The following GDAP1 variants were observed in gnomAD, a reference collection of about 807,000 sequenced individuals.
The protein encoded by GDAP1 is ganglioside induced differentiation associated protein 1.
GDAP1 carries 34 observed loss-of-function variants against 40.1 expected under a neutral mutation model. That is an observed-to-expected ratio of 0.85 (90% CI 0.64 to 1.13). GDAP1 has a LOEUF of 1.13. Ranked by LOEUF, GDAP1 falls within the 50% of genes most tolerant of loss-of-function variation. The pLI is 0.00. For missense variants in GDAP1, 374 were observed against 433.7 expected, an observed-to-expected ratio of 0.86 and a Z score of 1.22; for synonymous variants, 170 against 157.4, an observed-to-expected ratio of 1.08 and a Z score of -0.60.
rs1483139737 is a variant in GDAP1 at position 74,365,764 on chromosome 8, T to C, written c.*1397T>C. The C allele has an allele frequency of 2.2e-6, 1 of 454,372 alleles. No homozygotes were observed. The highest frequency in any genetic ancestry group is 6.9e-5 in the East Asian group (1 of 14,404). 28.1% of individuals were successfully genotyped at this position (454,372 alleles called of 1,614,324 possible). A position where few individuals can be genotyped will look rare whatever the true frequency, so the allele number is the denominator to read the frequency against. On this transcript the variant is annotated 3_prime_UTR_variant, in exon 6 of 6. Coordinates refer to ENST00000220822, the MANE Select transcript of GDAP1 (RefSeq NM_018972.4). Reference sequence around the variant, plus strand: ...ATGACCTAGTTGTATTAGAAAACCTTGATGAACTATATGTTCCCGATTTAC... The same window carrying C: ...ATGACCTAGTTGTATTAGAAAACCTCGATGAACTATATGTTCCCGATTTAC...
At chr8:74,354,597 G>A (rs1226228942) in intron 2 of GDAP1, among the ~76,000 whole-genome samples, 9 of 152,154 alleles carry the variant, frequency 5.9e-5, no homozygotes, top group Admixed American at 2.0e-4. Flanking sequence ...TGGCTATGAG[G>A]AAAATAGGCA....
chr8:74,415,041 A>G (rs553307443), intron 2 of GDAP1, among the ~76,000 whole-genome samples: 3 of 150,426 alleles, frequency 2.0e-5, no homozygotes, highest in Admixed American at 2.0e-4. Context: ...AGATTGCTCA[A>G]TGAAAAGAAC....
intron 2 of GDAP1, among the ~76,000 whole-genome samples, chr8:74,375,638 C>T (rs931862523): frequency 1.3e-5 from 2 of 152,208 alleles, no homozygotes; most frequent in African/African-American, 4.8e-5. Flanking sequence ...CTTCCTCACC[C>T]TGATGAAGAC....
chr8:74,473,501 A>G (rs1328885585), intron 2 of GDAP1, among the ~76,000 whole-genome samples: 2 of 152,114 alleles, frequency 1.3e-5, no homozygotes, highest in African/African-American at 2.4e-5. Flanking sequence ...TTCAGTTTCA[A>G]TCTTCTGCAT....
intron 2 of GDAP1, among the ~76,000 whole-genome samples, chr8:74,416,812 A>G (rs1297050883): frequency 6.7e-6 from 1 of 149,966 alleles, no homozygotes; most frequent in South Asian, 2.1e-4. Flanking sequence ...CCTAGGGGGA[A>G]GGGGAGTGCA....
At chr8:74,422,321 CTTT>C (rs1563465299) in intron 2 of GDAP1, among the ~76,000 whole-genome samples, 967 of 51,730 alleles carry the variant, frequency 0.019, 29 homozygotes, top group African/African-American at 0.079. Context: ...TTCTTTCTTT[CTTT>C]CTTTCTTTCT....
At chr8:74,396,803 C>A (rs1810208025) in intron 2 of GDAP1, among the ~76,000 whole-genome samples, 1 of 152,134 alleles carries the variant, frequency 6.6e-6, no homozygotes, top group South Asian at 2.1e-4. Context: ...GTGAATAGTG[C>A]CGCAATAAAC....
chr8:74,398,074 C>A (rs1425634422), intron 2 of GDAP1, among the ~76,000 whole-genome samples: 1 of 151,654 alleles, frequency 6.6e-6, no homozygotes, highest in Non-Finnish European at 1.5e-5. Context: ...TCCTTCACGT[C>A]CCTTGTAAGC....
intron 2 of GDAP1, among the ~76,000 whole-genome samples, chr8:74,384,683 C>CAATATTCAATATTCAATA (rs1486124068): frequency 2.6e-5 from 4 of 152,080 alleles, no homozygotes; most frequent in Non-Finnish European, 5.9e-5. Flanking sequence ...TCAGGTTTCA[C>CAATATTCAATATTCAATA]TACAAAAATT....
At chr8:74,402,694 T>C (rs1586823530) in intron 2 of GDAP1, among the ~76,000 whole-genome samples, 3 of 150,440 alleles carry the variant, frequency 2.0e-5, no homozygotes, top group Admixed American at 2.0e-4. Context: ...TCGGCCATCT[T>C]GGCTCCTTCC....
intron 2 of GDAP1, among the ~76,000 whole-genome samples, chr8:74,352,430 A>G (rs1808918620): frequency 6.6e-6 from 1 of 152,172 alleles, no homozygotes; most frequent in South Asian, 2.1e-4. Context: ...AGGTGAAAGC[A>G]GAACCTAGCC....
intron 2 of GDAP1, among the ~76,000 whole-genome samples, chr8:74,481,962 AG>A (rs1232123132): frequency 6.6e-6 from 1 of 152,058 alleles, no homozygotes. Flanking sequence ...GGTCTTTAGC[AG>A]GGGAGGAGTC....
intron 2 of GDAP1, among the ~76,000 whole-genome samples, chr8:74,375,563 A>G (rs1809839507): frequency 6.6e-6 from 1 of 152,212 alleles, no homozygotes. Flanking sequence ...ATGCAGAAAA[A>G]GATTTGATAA....
intron 2 of GDAP1, among the ~76,000 whole-genome samples, chr8:74,464,897 A>T (rs767814476): frequency 1.3e-5 from 2 of 152,138 alleles, no homozygotes; most frequent in Non-Finnish European, 2.9e-5. Flanking sequence ...TTTAATTGTA[A>T]ATAAGTATCT....
intron 2 of GDAP1, among the ~76,000 whole-genome samples, chr8:74,438,453 T>C (rs1308965900): frequency 1.3e-5 from 2 of 152,220 alleles, no homozygotes; most frequent in African/African-American, 4.8e-5. Flanking sequence ...ATCTAACGTG[T>C]GTGAAATGAT....
intron 2 of GDAP1, among the ~76,000 whole-genome samples, chr8:74,486,531 T>G (rs527572355): frequency 6.2e-4 from 94 of 152,232 alleles, no homozygotes; most frequent in Non-Finnish European, 1.0e-3. Flanking sequence ...CTGCTTTTGA[T>G]GATTTTGTTT....
In GDAP1 at chr8:74,364,124, C is replaced by A; in HGVS notation, c.834C>A (p.Thr278=). The A allele has an allele frequency of 1.2e-6, 2 of 1,614,132 alleles. No individual in the cohort carries two copies. The highest frequency in any genetic ancestry group is 1.6e-4 in the Middle Eastern group (1 of 6,062). Residue 278 remains threonine, a synonymous_variant, in exon 6 of 6, where the codon ACC becomes ACA. Coordinates refer to ENST00000220822, the MANE Select transcript of GDAP1 (RefSeq NM_018972.4). ...ACGGAAAGCGACCAAACTTGGAAAC[C>A]TATTACGAGCGTGTCTTGAAGAGAA... The part of the protein sequence containing the change: ...WGNGKRPNLE[T]YYERVLKRKT...
intron 2 of GDAP1, among the ~76,000 whole-genome samples, chr8:74,399,340 G>A (rs1426850464): frequency 6.7e-6 from 1 of 149,948 alleles, no homozygotes; most frequent in Non-Finnish European, 1.5e-5. Flanking sequence ...TTTGCATAGA[G>A]GTGTTTGTAG....
intron 2 of GDAP1, among the ~76,000 whole-genome samples, chr8:74,476,748 T>G (rs550399641): frequency 1.3e-5 from 2 of 152,234 alleles, no homozygotes; most frequent in African/African-American, 2.4e-5. Flanking sequence ...GAGAGTCTGA[T>G]GATTATATGT....
Sources: allele counts gnomAD v4.1 joint callset (sites outside exome capture counted in the v4.1 genomes callset), GRCh38; gene constraint gnomAD v4.1.1; transcripts MANE v1.5; gene names NCBI Gene and HGNC (gene_info 2026-07-23, HGNC 2026-07-21).